ARMH4: variants seen among roughly 807,000 people sequenced by gnomAD.
ARMH4 encodes the protein armadillo like helical domain containing 4, also known as armadillo-like helical domain-containing protein 4.
A neutral mutation model predicts 61.9 loss-of-function variants in ARMH4; 49 were observed. The observed-to-expected ratio is 0.79, with a 90% CI of 0.63 to 1.00. The LOEUF (loss-of-function observed/expected upper bound fraction) is 1.00. ARMH4 is among the 50% of genes least tolerant of loss of function. The probability of loss-of-function intolerance (pLI) is 0.00; values close to 1 mark genes in which losing one functional copy is unlikely to be tolerated. For missense variants in ARMH4, 934 were observed against 930.0 expected (o/e 1.00, Z -0.06); for synonymous variants, 368 against 341.5 (o/e 1.08, Z -0.85).
intron 5 of ARMH4, among the ~76,000 whole-genome samples, chr14:58,014,818 G>C (rs1352204847): frequency 6.6e-6 from 1 of 152,182 alleles, no homozygotes; most frequent in Non-Finnish European, 1.5e-5. Context: ...GTGAAGAACA[G>C]AGGAGGAAAG....
intron 5 of ARMH4, among the ~76,000 whole-genome samples, chr14:58,069,787 C>G (rs1007903041): frequency 6.6e-6 from 1 of 152,086 alleles, no homozygotes; most frequent in Non-Finnish European, 1.5e-5. Flanking sequence ...TTAAATGGGA[C>G]CATGCTGTCT....
At chr14:58,033,161 C>T (rs1883329488) in intron 5 of ARMH4, among the ~76,000 whole-genome samples, 1 of 106,420 alleles carries the variant, frequency 9.4e-6, no homozygotes, top group South Asian at 4.0e-4. Context: ...TGTCTGACAG[C>T]TTTGAAGAGA....
At chr14:58,040,724 T>A (rs1273025303) in intron 5 of ARMH4, among the ~76,000 whole-genome samples, 1 of 152,194 alleles carries the variant, frequency 6.6e-6, no homozygotes, top group Non-Finnish European at 1.5e-5. Context: ...AATTGAAACC[T>A]GGAATATATT....
At chr14:58,023,690 A>G (rs1444284001) in intron 5 of ARMH4, among the ~76,000 whole-genome samples, 1 of 152,236 alleles carries the variant, frequency 6.6e-6, no homozygotes, top group East Asian at 1.9e-4. Context: ...CAGATCCATC[A>G]TGAATCATTA....
rs565244042 is a variant in ARMH4, at chr14:58,133,323, A to G, written c.1388T>C (p.Met463Thr). The change falls in exon 3 of 8, where the codon ATG (methionine) becomes ACG (threonine). Residue 463 changes from methionine (M) to threonine (T), a missense_variant. Transcript: ENST00000267485. ...NTMKDIITQEMTTAVQEPDAT... is the reference protein window; with the variant it reads ...NTMKDIITQETTTAVQEPDAT... ...ATCTGGCTCTTGAACAGCTGTTGTCATCTCTTGAGTGATGATGTCTTAAAG... is the reference window on the plus strand; with the variant it reads ...ATCTGGCTCTTGAACAGCTGTTGTCGTCTCTTGAGTGATGATGTCTTAAAG... 2.5e-6 allele frequency: 4 copies of G among 1,613,668 alleles called. No individual in the cohort carries two copies. In the African/African-American group the frequency reaches 5.3e-5, roughly 22 times the overall value.
chr14:58,087,214 C>A (rs918988973), intron 5 of ARMH4, among the ~76,000 whole-genome samples: 10 of 152,182 alleles, frequency 6.6e-5, no homozygotes, highest in African/African-American at 2.4e-4. Flanking sequence ...AAAATAACTT[C>A]AGCTTCCTGA....
rs554217105 is a variant in ARMH4 at position 58,147,309 on chromosome 14, C to A, written c.-57+4766G>T. Among the ~76,000 whole-genome samples the A allele has an allele frequency of 6.5e-3, 934 of 143,906 alleles. 14 individuals are homozygous for A. Among genetic ancestry groups the A allele is most frequent in the African/African-American group, 0.023 (897 of 38,946 alleles). 94.4% of individuals were successfully genotyped at this position (143,906 alleles called of 152,430 possible). ...TCCTCTCCAATCTATTTTATACAATCCAGATGGTTTTTTTTTTTTTTTTTG... is the reference window on the plus strand; with the variant it reads ...TCCTCTCCAATCTATTTTATACAATACAGATGGTTTTTTTTTTTTTTTTTG... On this transcript the variant is annotated intron_variant, in intron 1 of 7. Transcript: ENST00000267485.
At chr14:58,107,763 C>CA (rs34507217) in intron 4 of ARMH4, among the ~76,000 whole-genome samples, 9,033 of 97,148 alleles carry the variant, frequency 0.093, 415 homozygotes, top group Middle Eastern at 0.17. Context: ...GACTCCATCT[C>CA]AAAAAAAAAA....
Position 58,055,429 on chromosome 14 carries a change from GAATA to G in ARMH4, c.2089+41291_2089+41294del, listed in dbSNP as rs200762504. On this transcript the variant is annotated intron_variant, in intron 5 of 7. Coordinates refer to ENST00000267485, the MANE Select transcript of ARMH4 (RefSeq NM_001001872.4). ...TAAATTTATAGGAGAAGATGAGGTA[GAATA>G]AATAGGGCTCTTTCCTGGGTGTCAG... is the stretch of plus-strand genomic sequence containing the variant. Among the ~76,000 whole-genome samples the G allele has an allele frequency of 6.5e-3, 984 of 152,306 alleles. 10 individuals are homozygous for G. The highest frequency in any genetic ancestry group is 0.019 in the African/African-American group (787 of 41,574).
intron 4 of ARMH4, among the ~76,000 whole-genome samples, chr14:58,102,027 G>C (rs1262111287): frequency 6.6e-6 from 1 of 152,192 alleles, no homozygotes; most frequent in African/African-American, 2.4e-5. Flanking sequence ...GGGCTGGGTA[G>C]TGGAAGAGTG....
chr14:58,077,522 G>A (rs975238080), intron 5 of ARMH4, among the ~76,000 whole-genome samples: 2 of 152,168 alleles, frequency 1.3e-5, no homozygotes, highest in Admixed American at 6.5e-5. Flanking sequence ...TGGGGGGACC[G>A]CTTGAGCCTG....
intron 5 of ARMH4, among the ~76,000 whole-genome samples, chr14:58,057,813 C>T (rs568639063): frequency 1.6e-4 from 25 of 152,270 alleles, no homozygotes; most frequent in Admixed American, 1.4e-3. Context: ...TGTGCAAAGA[C>T]CCAGCTGTCC....
intron 1 of ARMH4, among the ~76,000 whole-genome samples, chr14:58,149,390 GAGA>G (rs1887851476): frequency 6.6e-6 from 1 of 152,222 alleles, no homozygotes; most frequent in South Asian, 2.1e-4. Flanking sequence ...TGGAAGGAGG[GAGA>G]AGGAGTAAGT....
intron 5 of ARMH4, among the ~76,000 whole-genome samples, chr14:58,015,754 T>TAAAAAAA (rs34004432): frequency 7.3e-6 from 1 of 136,260 alleles, no homozygotes. Context: ...TATTTTTAGT[T>TAAAAAAA]AAAAAAAAAA....
At chr14:58,031,829 C>T (rs1054613154) in intron 5 of ARMH4, among the ~76,000 whole-genome samples, 2 of 152,172 alleles carry the variant, frequency 1.3e-5, no homozygotes, top group Non-Finnish European at 2.9e-5. Context: ...TTCCAAGCCA[C>T]GCCACCTTCA....
At chr14:58,095,953 T>C (rs1306049092) in intron 5 of ARMH4, among the ~76,000 whole-genome samples, 2 of 152,186 alleles carry the variant, frequency 1.3e-5, no homozygotes, top group African/African-American at 4.8e-5. Flanking sequence ...GTCAAGGGAA[T>C]AGGGCCTCAA....
intron 1 of ARMH4, among the ~76,000 whole-genome samples, chr14:58,145,320 CCTT>C (rs1469121344): frequency 2.0e-5 from 3 of 152,284 alleles, no homozygotes; most frequent in Admixed American, 6.5e-5. Context: ...CATTCAAATC[CCTT>C]CTTCATCCAT....
intron 4 of ARMH4, among the ~76,000 whole-genome samples, chr14:58,106,132 T>G (rs893275530): frequency 6.6e-6 from 1 of 152,142 alleles, no homozygotes; most frequent in Non-Finnish European, 1.5e-5. Flanking sequence ...TGAACCAGCA[T>G]CTCTTTAGAA....
chr14:58,088,260 C>T (rs1885443479), intron 5 of ARMH4, among the ~76,000 whole-genome samples: 1 of 151,948 alleles, frequency 6.6e-6, no homozygotes, highest in South Asian at 2.1e-4. Flanking sequence ...CTAGAAATTC[C>T]CAACTACTAC....
Sources: allele counts gnomAD v4.1 joint callset (sites outside exome capture counted in the v4.1 genomes callset), GRCh38; gene constraint gnomAD v4.1.1; transcripts MANE v1.5; gene names NCBI Gene and HGNC (gene_info 2026-07-23, HGNC 2026-07-21).